ATP1B1: variants seen among roughly 807,000 people sequenced by gnomAD.
ATP1B1 encodes sodium/potassium-transporting ATPase subunit beta-1.
A neutral mutation model predicts 39.6 loss-of-function variants in ATP1B1; 3 were observed. The observed-to-expected ratio is 0.08, with a 90% confidence interval of 0.03 to 0.20. The LOEUF is 0.20. Ranked by LOEUF, ATP1B1 falls within the 10% of genes least tolerant of loss-of-function variation. The probability of loss-of-function intolerance (pLI) is 1.00; values close to 1 mark genes in which losing one functional copy is unlikely to be tolerated. For missense variants in ATP1B1, 216 were observed against 371.1 expected, an observed-to-expected ratio of 0.58 and a Z score of 3.43; for synonymous variants, 139 against 135.0, an observed-to-expected ratio of 1.03 and a Z score of -0.20.
In ATP1B1 at chr1:169,127,510, GCTGA is replaced by G. The variant is rs1217447427; in HGVS notation, c.567+105_567+108del. ...AAGATAGTTTTAAAGTATACTCAGT[GCTGA>G]CTTTGAAACGTAGCCAGTAGAGTAA... On this transcript the variant is annotated intron_variant, in intron 4 of 5. Coordinates refer to ENST00000367815, the MANE Select transcript of ATP1B1 (RefSeq NM_001677.4). The G allele has an allele frequency of 7.7e-6, 10 of 1,303,424 alleles. No individual in the cohort carries two copies. In the East Asian group the frequency reaches 2.7e-4, roughly 36 times the overall value. 80.7% of individuals were successfully genotyped at this position (1,303,424 alleles called of 1,614,324 possible).
Position 169,127,428 on chromosome 1 carries a change from A to G in ATP1B1, c.567+20A>G. 1 of 1,597,906 alleles carries G rather than the reference A, an allele frequency of 6.3e-7. No homozygotes were observed. Among genetic ancestry groups the G allele is most frequent in the Non-Finnish European group, 8.5e-7 (1 of 1,173,386 alleles). On this transcript the variant is annotated intron_variant, in intron 4 of 5. Transcript: ENST00000367815. ...CCTAAGGCAAGTAATATTTTAAATGATAGAATTTAGATGAGTCATTTACAC... is the reference window on the plus strand; with the variant it reads ...CCTAAGGCAAGTAATATTTTAAATGGTAGAATTTAGATGAGTCATTTACAC...
chr1:169,110,770 T>A, intron 1 of ATP1B1: 1 of 993,074 alleles, frequency 1.0e-6, no homozygotes, highest in Non-Finnish European at 1.4e-6. Flanking sequence ...GGGGAAAGAG[T>A]GTGCTTTGTT....
chr1:169,117,396 G>C (rs1428526434), intron 2 of ATP1B1, among the ~76,000 whole-genome samples: 2 of 152,186 alleles, frequency 1.3e-5, no homozygotes, highest in East Asian at 3.8e-4. Context: ...CTAAAGACAA[G>C]GGTACAACTA....
At chr1:169,108,836 C>G (rs1319098584) in intron 1 of ATP1B1, among the ~76,000 whole-genome samples, 1 of 152,214 alleles carries the variant, frequency 6.6e-6, no homozygotes, top group East Asian at 1.9e-4. Context: ...TTCCACGGTA[C>G]AGGTGCTGGG....
At chr1:169,107,630 T>G (rs572642101) in intron 1 of ATP1B1, among the ~76,000 whole-genome samples, 1 of 152,264 alleles carries the variant, frequency 6.6e-6, no homozygotes, top group Non-Finnish European at 1.5e-5. Context: ...TTGGGTTGAT[T>G]ATGGTGAAGG....
chr1:169,117,765 C>A (rs904027255), intron 2 of ATP1B1, among the ~76,000 whole-genome samples: 1 of 152,190 alleles, frequency 6.6e-6, no homozygotes, highest in Admixed American at 6.5e-5. Context: ...AATCTGATGA[C>A]CAGCTGGTCT....
rs34447553 is a variant in ATP1B1, at chr1:169,132,019, A to ATTTTTTTTT, written c.*478_*486dup. On this transcript the variant is annotated 3_prime_UTR_variant, in exon 6 of 6. Transcript: ENST00000367815. ...CAACGGGAATAAAACTGGCATGGTA[A>ATTTTTTTTT]TTTTTTTTTTTTTTTTTTTTTTGTT... is the stretch of plus-strand genomic sequence containing the variant. 5,371 of 187,872 alleles carry ATTTTTTTTT rather than the reference A, an allele frequency of 0.029. 51 individuals are homozygous for ATTTTTTTTT. Among genetic ancestry groups the ATTTTTTTTT allele is most frequent in the Non-Finnish European group, 0.034 (3,367 of 100,170 alleles). 11.6% of individuals were successfully genotyped at this position (187,872 alleles called of 1,614,324 possible). A position where few individuals can be genotyped will look rare whatever the true frequency, so the allele number is the denominator to read the frequency against.
intron 2 of ATP1B1, among the ~76,000 whole-genome samples, chr1:169,115,752 A>T (rs1657831311): frequency 6.6e-6 from 1 of 152,206 alleles, no homozygotes; most frequent in Admixed American, 6.5e-5. Flanking sequence ...TTAGATTTTC[A>T]TGGAGTCAAT....
intron 2 of ATP1B1, among the ~76,000 whole-genome samples, chr1:169,119,726 G>GT (rs1433946755): frequency 2.6e-5 from 4 of 152,234 alleles, no homozygotes; most frequent in Admixed American, 2.6e-4. Context: ...GTAACCCATT[G>GT]TAAGTCGAAA....
chr1:169,114,945 AC>A (rs1475330312), intron 2 of ATP1B1, among the ~76,000 whole-genome samples: 1 of 151,930 alleles, frequency 6.6e-6, no homozygotes, highest in Non-Finnish European at 1.5e-5. Context: ...TAATCCCAGC[AC>A]TTCCGAGGCA....
At chr1:169,121,181 A>G (rs958948001) in intron 2 of ATP1B1, among the ~76,000 whole-genome samples, 7 of 152,140 alleles carry the variant, frequency 4.6e-5, no homozygotes. Flanking sequence ...TCCTGGCCTC[A>G]AGTGATCCAC....
At chr1:169,117,779 G>C (rs1341647953) in intron 2 of ATP1B1, among the ~76,000 whole-genome samples, 1 of 152,160 alleles carries the variant, frequency 6.6e-6, no homozygotes, top group African/African-American at 2.4e-5. Context: ...CTGGTCTGTC[G>C]GATGCAGTCA....
In ATP1B1 at chr1:169,132,256, T is replaced by C. The variant is rs1291063947; in HGVS notation, c.*701T>C. The C allele has an allele frequency of 9.9e-6, 6 of 608,602 alleles. No homozygotes were observed. The highest frequency in any genetic ancestry group is 8.8e-5 in the East Asian group (3 of 33,992). 37.7% of individuals were successfully genotyped at this position (608,602 alleles called of 1,614,324 possible). On this transcript the variant is annotated 3_prime_UTR_variant, in exon 6 of 6. Transcript: ENST00000367815. ...TGTTATGCTTGTATTGAATGCTGTC[T>C]TGACATCTCTTGCCTTGTCCTCCGG...
intron 4 of ATP1B1, among the ~76,000 whole-genome samples, chr1:169,128,485 TG>T (rs1370107617): frequency 6.6e-5 from 10 of 151,988 alleles, no homozygotes; most frequent in Non-Finnish European, 1.2e-4. Flanking sequence ...AATGAGTAGG[TG>T]GGGATGGATG....
In ATP1B1 at chr1:169,123,907, G is replaced by T. The variant is rs1226975054; in HGVS notation, c.227-977G>T. ...CTCCCAAAGTGTTGGGATTATAGGC[G>T]TGAGCCACCATGCCCGGCCTCAGAT... is the stretch of plus-strand genomic sequence containing the variant. On this transcript the variant is annotated intron_variant, in intron 2 of 5. Coordinates refer to ENST00000367815, the MANE Select transcript of ATP1B1 (RefSeq NM_001677.4). Among the ~76,000 whole-genome samples, 3 of 152,296 alleles carry T rather than the reference G, an allele frequency of 2.0e-5. No individual in the cohort carries two copies. In the East Asian group the frequency reaches 5.8e-4, roughly 29 times the overall value.
At chr1:169,125,445 A>G (rs1658066831) in intron 3 of ATP1B1, among the ~76,000 whole-genome samples, 1 of 152,192 alleles carries the variant, frequency 6.6e-6, no homozygotes, top group Non-Finnish European at 1.5e-5. Flanking sequence ...GTGATTAGCT[A>G]TCACTGCACT....
chr1:169,126,155 TAAAA>T (rs1392989380), intron 3 of ATP1B1, among the ~76,000 whole-genome samples: 2 of 152,220 alleles, frequency 1.3e-5, no homozygotes, highest in Non-Finnish European at 2.9e-5. Flanking sequence ...TTTAGTAACT[TAAAA>T]GAACATTTTC....
intron 3 of ATP1B1, 117 bp from the exon 4 acceptor site, chr1:169,127,107 A>C: frequency 9.2e-7 from 1 of 1,083,668 alleles, no homozygotes; most frequent in Non-Finnish European, 1.3e-6. Flanking sequence ...ATCATGCATT[A>C]AATGCAGAAT....
intron 4 of ATP1B1, among the ~76,000 whole-genome samples, chr1:169,129,180 A>G (rs1043106651): frequency 1.3e-5 from 2 of 152,202 alleles, no homozygotes; most frequent in Non-Finnish European, 2.9e-5. Context: ...TTCCTTCCTG[A>G]TGTGGAACTA....
Sources: gnomAD v4.1 joint callset for allele counts (sites outside exome capture counted in the v4.1 genomes callset) on GRCh38, gnomAD v4.1.1 for gene constraint, MANE v1.5 for transcripts, NCBI Gene and HGNC (gene_info 2026-07-23, HGNC 2026-07-21) for gene names.